Variants in NET1 observed in about 807,000 individuals in gnomAD.
NET1 encodes the protein neuroepithelial cell transforming 1, also known as neuroepithelial cell-transforming gene 1 protein.
In NET1, 42 loss-of-function variants were observed where a neutral mutation model predicts 61.1. That is an observed-to-expected ratio of 0.69 (90% CI 0.54 to 0.89). The LOEUF is 0.89. NET1 is among the 40% of genes least tolerant of loss of function. The probability of loss-of-function intolerance (pLI) is 0.00; values close to 1 mark genes in which losing one functional copy is unlikely to be tolerated. For missense variants in NET1, 654 were observed against 747.3 expected (o/e 0.88, Z 1.46); for synonymous variants, 254 against 281.8 (o/e 0.90, Z 0.99).
rs1420245858 is a variant in NET1, at chr10:5,431,686, A to C, written c.255+2457A>C. ...GAATTCTATTCATTAGCATTCTCTG[A>C]AAGTAAGTAATGATTTTTTTTTCTC... On this transcript the variant is annotated intron_variant, in intron 3 of 11. Coordinates refer to ENST00000355029, the MANE Select transcript of NET1 (RefSeq NM_001047160.3). The surrounding 1 kb of genome is among the most constrained non-coding windows in gnomAD (Gnocchi z 4.9). 6.6e-6 allele frequency among the ~76,000 whole-genome samples: 1 copy of C among 152,154 alleles called. No homozygotes were observed. The highest frequency in any genetic ancestry group is 1.5e-5 in the Non-Finnish European group (1 of 68,024).
chr10:5,453,626 GA>G lies in NET1; in HGVS notation c.768+68del. ...GATGTGCCATGTTGCAGTTTCTGAT[GA>G]ATATGAGACAGATTTGATCCCACAA... is the stretch of plus-strand genomic sequence containing the variant. On this transcript the variant is annotated intron_variant, in intron 8 of 11. Coordinates refer to ENST00000355029, the MANE Select transcript of NET1 (RefSeq NM_001047160.3). This position sits in a 1 kb window ranked among gnomAD's most constrained non-coding sequence, Gnocchi z 4.9. The G allele has an allele frequency of 7.3e-7, 1 of 1,368,606 alleles. No homozygotes were observed. Among genetic ancestry groups the G allele is most frequent in the Non-Finnish European group, 1.0e-6 (1 of 957,292 alleles). 84.8% of individuals were successfully genotyped at this position (1,368,606 alleles called of 1,614,324 possible). A position where few individuals can be genotyped will look rare whatever the true frequency, so the allele number is the denominator to read the frequency against.
At position 5,453,797 on chromosome 10, in the gene NET1, A is replaced by G. The variant is rs966811412; in HGVS notation, c.768+237A>G. Among the ~76,000 whole-genome samples the G allele has an allele frequency of 1.3e-5, 2 of 152,058 alleles. No individual in the cohort carries two copies. Among genetic ancestry groups the G allele is most frequent in the African/African-American group, 4.8e-5 (2 of 41,414 alleles). ...TACAAATACGTTCCTGCTTGGATAG[A>G]ATTCCCACATCATGTGTGATTATCC... On this transcript the variant is annotated intron_variant, in intron 8 of 11. Transcript: ENST00000355029. The surrounding 1 kb of genome is among the most constrained non-coding windows in gnomAD (Gnocchi z 4.9).
chr10:5,450,177 A>G (rs1017620579), intron 3 of NET1, among the ~76,000 whole-genome samples: 1 of 152,224 alleles, frequency 6.6e-6, no homozygotes, highest in African/African-American at 2.4e-5. Flanking sequence ...GTTAGTTTAT[A>G]TTCAAAGTTT....
intron 3 of NET1, among the ~76,000 whole-genome samples, chr10:5,445,955 C>A (rs1832600638): frequency 6.6e-6 from 1 of 152,082 alleles, no homozygotes; most frequent in African/African-American, 2.4e-5. Context: ...TATAAAATAT[C>A]TAGTACACAG....
In NET1 at chr10:5,456,120, G is replaced by C. The variant is rs1336535761; in HGVS notation, c.1231G>C (p.Val411Leu). ...CATTTTCCTGTTTCAAGACATCTTG[G>C]TTCTGACTCGGCCCGTCACACGGAA... Reference protein sequence around the residue: ...LYIFLFQDILVLTRPVTRNER... With the variant: ...LYIFLFQDILLLTRPVTRNER... Residue 411 changes from valine to leucine, a missense_variant, in exon 11 of 12, where the codon GTT becomes CTT. Physicochemically the swap from Val to Leu is conservative, Grantham distance 32. Transcript: ENST00000355029. This position sits in a 1 kb window ranked among gnomAD's most constrained non-coding sequence, Gnocchi z 7.0. 1 of 1,613,726 alleles carries C rather than the reference G, an allele frequency of 6.2e-7. No individual in the cohort carries two copies. The highest frequency in any genetic ancestry group is 2.2e-5 in the East Asian group (1 of 44,876).
At position 5,452,075 on chromosome 10, in the gene NET1, G is replaced by T. The variant is rs1832714512; in HGVS notation, c.363+138G>T. ...TTTCTTTTTGGAATATGCTAGTAAG[G>T]AATATTGTTCCAGAACAATGTGTAG... On this transcript the variant is annotated intron_variant, in intron 4 of 11. Transcript: ENST00000355029. This position sits in a 1 kb window ranked among gnomAD's most constrained non-coding sequence, Gnocchi z 4.0. 7.7e-6 allele frequency: 5 copies of T among 649,810 alleles called. No homozygotes were observed. Among genetic ancestry groups the T allele is most frequent in the South Asian group, 2.4e-5 (1 of 41,564 alleles). 40.3% of individuals were successfully genotyped at this position (649,810 alleles called of 1,614,324 possible).
intron 1 of NET1, among the ~76,000 whole-genome samples, chr10:5,419,201 T>A (rs1832127013): frequency 6.6e-6 from 1 of 152,336 alleles, no homozygotes; most frequent in East Asian, 1.9e-4. Context: ...CTAGCTTTCT[T>A]GTGGCTTGCT....
Position 5,426,075 on chromosome 10 carries a change from T to G in NET1, c.129-580T>G, listed in dbSNP as rs1447402481. Among the ~76,000 whole-genome samples the G allele has an allele frequency of 2.6e-5, 4 of 152,204 alleles. No homozygotes were observed. The highest frequency in any genetic ancestry group is 9.6e-5 in the African/African-American group (4 of 41,460). On this transcript the variant is annotated intron_variant, in intron 1 of 11. Coordinates refer to ENST00000355029, the MANE Select transcript of NET1 (RefSeq NM_001047160.3). This position sits in a 1 kb window ranked among gnomAD's most constrained non-coding sequence, Gnocchi z 4.6. ...GGAAAAGAAACACAGAAAAATCTTT[T>G]AATAGTAAAGAACAAAATTCTAATC...
In NET1 at chr10:5,447,499, A is replaced by C. The variant is rs1391085277; in HGVS notation, c.256-4331A>C. The stretch of plus-strand genomic sequence containing the variant: ...TAACATTGTGTGATATTCTGTTTAT[A>C]CTATATACTTTAATATATACTACAT... On this transcript the variant is annotated intron_variant, in intron 3 of 11. Transcript: ENST00000355029. The surrounding 1 kb of genome is among the most constrained non-coding windows in gnomAD (Gnocchi z 4.1). Among the ~76,000 whole-genome samples, 2 of 152,182 alleles carry C rather than the reference A, an allele frequency of 1.3e-5. No individual in the cohort carries two copies. The highest frequency in any genetic ancestry group is 3.8e-4 in the East Asian group (2 of 5,204).
rs1159649187 is a variant in NET1, at chr10:5,444,943, A to G, written c.256-6887A>G. Among the ~76,000 whole-genome samples, 1 of 152,138 alleles carries G rather than the reference A, an allele frequency of 6.6e-6. No individual in the cohort carries two copies. The highest frequency in any genetic ancestry group is 1.5e-5 in the Non-Finnish European group (1 of 68,012). Reference sequence around the variant, plus strand: ...ATTTGCACTAACAGTTACCCCTCCTATTTAAAGAATTGTAGGCGTCTGTGA... The same window carrying G: ...ATTTGCACTAACAGTTACCCCTCCTGTTTAAAGAATTGTAGGCGTCTGTGA... On this transcript the variant is annotated intron_variant, in intron 3 of 11. Transcript: ENST00000355029. The surrounding 1 kb of genome is among the most constrained non-coding windows in gnomAD (Gnocchi z 5.3).
chr10:5,446,612 A>G lies in NET1; in HGVS notation c.256-5218A>G, dbSNP rs1307171552. 4 of 1,239,646 alleles carry G rather than the reference A, an allele frequency of 3.2e-6. No homozygotes were observed. Among genetic ancestry groups the G allele is most frequent in the Non-Finnish European group, 4.0e-6 (4 of 988,348 alleles). The allele number at this position is 1,239,646 out of a possible 1,614,324, so 76.8% of individuals were successfully genotyped here. A position where few individuals can be genotyped will look rare whatever the true frequency, so the allele number is the denominator to read the frequency against. On this transcript the variant is annotated intron_variant, in intron 3 of 11. Transcript: ENST00000355029. This position sits in a 1 kb window ranked among gnomAD's most constrained non-coding sequence, Gnocchi z 5.0. ...GTGCTTGCTGCCTGCGGCTCTCAGA[A>G]GCCTCTGCTCCACCGCGGCGAGAGG...
chr10:5,445,562 C>G (rs1355042191), intron 3 of NET1, among the ~76,000 whole-genome samples: 2 of 152,118 alleles, frequency 1.3e-5, no homozygotes, highest in African/African-American at 4.8e-5. Flanking sequence ...TTCCAACATA[C>G]TACCATCATA....
At position 5,455,954 on chromosome 10, in the gene NET1, T is replaced by C. The variant is rs1832789581; in HGVS notation, c.1198-133T>C. 5.8e-6 allele frequency: 5 copies of C among 860,428 alleles called. No individual in the cohort carries two copies. The highest frequency in any genetic ancestry group is 8.6e-6 in the Non-Finnish European group (5 of 580,878). 53.3% of individuals were successfully genotyped at this position (860,428 alleles called of 1,614,324 possible). A position where few individuals can be genotyped will look rare whatever the true frequency, so the allele number is the denominator to read the frequency against. On this transcript the variant is annotated intron_variant, in intron 10 of 11. Coordinates refer to ENST00000355029, the MANE Select transcript of NET1 (RefSeq NM_001047160.3). The surrounding 1 kb of genome is among the most constrained non-coding windows in gnomAD (Gnocchi z 6.5). ...TGAAATTGCCATCTTTATGGATTAC[T>C]AGATTTGTCACTTAGAGAGATCTTC...
In NET1 at chr10:5,456,265, C is replaced by T. The variant is rs1304664294; in HGVS notation, c.1376C>T (p.Ser459Leu). Residue 459 changes from serine (S) to leucine (L), a missense_variant, in exon 11 of 12, where the codon TCA becomes TTA. Coordinates refer to ENST00000355029, the MANE Select transcript of NET1 (RefSeq NM_001047160.3). The surrounding 1 kb of genome is among the most constrained non-coding windows in gnomAD (Gnocchi z 7.0). ...GGSFRGAFSN[S>L]EKAKNIFRIR... ...TCCTTTCGAGGAGCTTTCAGTAACT[C>T]AGAGAAAGGTAAAATGCAGGCCTTC... 6.2e-7 allele frequency: 1 copy of T among 1,608,244 alleles called. No individual in the cohort carries two copies. Among genetic ancestry groups the T allele is most frequent in the Admixed American group, 1.7e-5 (1 of 58,702 alleles).
At chr10:5,430,744 T>A (rs1227788715) in intron 3 of NET1, among the ~76,000 whole-genome samples, 3 of 152,160 alleles carry the variant, frequency 2.0e-5, no homozygotes, top group Non-Finnish European at 2.9e-5. Context: ...AGTTCAGAAT[T>A]CATGCATTTT....
rs909819975 is a variant in NET1 at position 5,435,755 on chromosome 10, A to G, written c.255+6526A>G. Among the ~76,000 whole-genome samples the G allele has an allele frequency of 1.6e-4, 24 of 152,132 alleles. 2 individuals are homozygous for G. In the South Asian group the frequency reaches 3.5e-3, roughly 22 times the overall value. On this transcript the variant is annotated intron_variant, in intron 3 of 11. Coordinates refer to ENST00000355029, the MANE Select transcript of NET1 (RefSeq NM_001047160.3). This position sits in a 1 kb window ranked among gnomAD's most constrained non-coding sequence, Gnocchi z 5.0. ...ATTTTCATGTTATGGATCATTAGCT[A>G]TTTTGTCTTGAAGCTGTGATTGTTT...
Position 5,457,148 on chromosome 10 carries a change from GC to G in NET1, c.*155del. ...GTTCTTTTTTCTTTTTTTAATGGCA[GC>G]TAAAGATATACAGATTACTGTTAAA... On this transcript the variant is annotated 3_prime_UTR_variant, in exon 12 of 12. Transcript: ENST00000355029. The surrounding 1 kb of genome is among the most constrained non-coding windows in gnomAD (Gnocchi z 5.4). 1 of 571,256 alleles carries G rather than the reference GC, an allele frequency of 1.8e-6. No homozygotes were observed. Among genetic ancestry groups the G allele is most frequent in the East Asian group, 3.3e-5 (1 of 30,100 alleles). 35.4% of individuals were successfully genotyped at this position (571,256 alleles called of 1,614,324 possible).
chr10:5,447,613 G>A lies in NET1; in HGVS notation c.256-4217G>A, dbSNP rs1348345978. On this transcript the variant is annotated intron_variant, in intron 3 of 11. Transcript: ENST00000355029. This position sits in a 1 kb window ranked among gnomAD's most constrained non-coding sequence, Gnocchi z 4.1. ...TAGTGGTTTCCGTCTCTATACACAC[G>A]TCAAAACTTATCTAATTGTGCATTT... Among the ~76,000 whole-genome samples, 5 of 152,082 alleles carry A rather than the reference G, an allele frequency of 3.3e-5. No individual in the cohort carries two copies. The highest frequency in any genetic ancestry group is 2.1e-4 in the South Asian group (1 of 4,820).
chr10:5,442,752 A>G (rs61196958), intron 3 of NET1, among the ~76,000 whole-genome samples: 3,753 of 152,118 alleles, frequency 0.025, 137 homozygotes, highest in East Asian at 0.1. Context: ...AAAATTAGCC[A>G]GGCGTGATGG....
Sources: allele counts gnomAD v4.1 joint callset (sites outside exome capture counted in the v4.1 genomes callset), GRCh38; gene constraint gnomAD v4.1.1; non-coding constraint Gnocchi (gnomAD v3.1); transcripts MANE v1.5; gene names NCBI Gene and HGNC (gene_info 2026-07-23, HGNC 2026-07-21).